NFYC: variants seen among roughly 807,000 people sequenced by gnomAD.
NFYC encodes the protein nuclear transcription factor Y subunit gamma, also known as CAAT box DNA-binding protein subunit C.
NFYC carries 25 observed loss-of-function variants against 53.1 expected under a neutral mutation model. The ratio of observed to expected loss-of-function variants is 0.47; its 90% CI spans 0.34 to 0.66. The LOEUF (loss-of-function observed/expected upper bound fraction) is 0.66. NFYC is among the 30% of genes least tolerant of loss of function. The pLI, the probability that NFYC is intolerant of heterozygous loss-of-function variation, is 0.01. For missense variants in NFYC, 260 were observed against 422.7 expected (o/e 0.62, Z 3.38); for synonymous variants, 145 against 152.6 (o/e 0.95, Z 0.37).
intron 1 of NFYC, among the ~76,000 whole-genome samples, chr1:40,718,375 G>A (rs1557771368): frequency 6.6e-6 from 1 of 152,188 alleles, no homozygotes; most frequent in African/African-American, 2.4e-5. Context: ...ATGAAAAACA[G>A]TCTATAGCTG....
intron 1 of NFYC, among the ~76,000 whole-genome samples, chr1:40,698,893 C>G (rs1206323242): frequency 6.6e-6 from 1 of 151,942 alleles, no homozygotes; most frequent in East Asian, 1.9e-4. Context: ...GGCCGGGCGC[C>G]GTGGCTCACA....
At chr1:40,729,154 A>G (rs551849167) in intron 1 of NFYC, among the ~76,000 whole-genome samples, 2 of 152,300 alleles carry the variant, frequency 1.3e-5, no homozygotes, top group East Asian at 3.9e-4. Flanking sequence ...GGAATGGTAA[A>G]TGAGCATCGG....
At chr1:40,700,071 G>T (rs1643355714) in intron 1 of NFYC, among the ~76,000 whole-genome samples, 1 of 152,132 alleles carries the variant, frequency 6.6e-6, no homozygotes, top group Non-Finnish European at 1.5e-5. Flanking sequence ...TGTAGTCTAT[G>T]AATAAAAAAA....
intron 1 of NFYC, among the ~76,000 whole-genome samples, chr1:40,715,377 C>T (rs1215517321): frequency 2.7e-5 from 4 of 150,874 alleles, no homozygotes; most frequent in African/African-American, 7.3e-5. Context: ...AGTGAGATTC[C>T]GTCTCAAGAA....
chr1:40,768,031 G>C (rs1646907751), intron 8 of NFYC, among the ~76,000 whole-genome samples: 1 of 152,142 alleles, frequency 6.6e-6, no homozygotes, highest in Admixed American at 6.5e-5. Flanking sequence ...GCCAAAAAAT[G>C]GGAGAGGCTG....
chr1:40,694,193 A>G (rs1345470353), intron 1 of NFYC, among the ~76,000 whole-genome samples: 1 of 152,264 alleles, frequency 6.6e-6, no homozygotes, highest in Non-Finnish European at 1.5e-5. Context: ...AAGCATCACC[A>G]GTTCCTTAGG....
At chr1:40,762,353 G>A (rs1287219343) in intron 6 of NFYC, among the ~76,000 whole-genome samples, 1 of 152,192 alleles carries the variant, frequency 6.6e-6, no homozygotes, top group African/African-American at 2.4e-5. Flanking sequence ...AGCTTGAATG[G>A]GGTGAGAGCC....
At chr1:40,753,053 T>G in intron 4 of NFYC, 98 bp from the exon 5 acceptor site, 1 of 787,214 alleles carries the variant, frequency 1.3e-6, no homozygotes, top group South Asian at 1.6e-5. Context: ...GGTGTTTAGT[T>G]TGGCTTAAAA....
intron 1 of NFYC, among the ~76,000 whole-genome samples, chr1:40,705,598 T>C (rs1461745969): frequency 6.6e-6 from 1 of 152,224 alleles, no homozygotes; most frequent in Non-Finnish European, 1.5e-5. Context: ...CATGCTCTTA[T>C]AAATGTGGTT....
At chr1:40,705,401 T>G (rs909972338) in intron 1 of NFYC, among the ~76,000 whole-genome samples, 1 of 150,266 alleles carries the variant, frequency 6.7e-6, no homozygotes, top group Admixed American at 6.6e-5. Flanking sequence ...GCCTTCTGCC[T>G]TCTCTTCCCA....
At chr1:40,706,322 A>T (rs1179669567) in intron 1 of NFYC, among the ~76,000 whole-genome samples, 1 of 151,982 alleles carries the variant, frequency 6.6e-6, no homozygotes, top group Non-Finnish European at 1.5e-5. Flanking sequence ...TCTGTAATAT[A>T]CCTAGCACAG....
intron 1 of NFYC, among the ~76,000 whole-genome samples, chr1:40,716,796 A>G (rs542194102): frequency 6.6e-6 from 1 of 152,294 alleles, no homozygotes; most frequent in Admixed American, 6.5e-5. Flanking sequence ...AGATAGTGGT[A>G]GTATGAAGAA....
chr1:40,701,350 G>A (rs998108683), intron 1 of NFYC, among the ~76,000 whole-genome samples: 2 of 152,144 alleles, frequency 1.3e-5, no homozygotes, highest in Admixed American at 1.3e-4. Flanking sequence ...CCTGACTTCA[G>A]TTGGCCTCCC....
intron 8 of NFYC, among the ~76,000 whole-genome samples, chr1:40,768,040 T>TG (rs1435699292): frequency 6.6e-6 from 1 of 152,144 alleles, no homozygotes; most frequent in South Asian, 2.1e-4. Flanking sequence ...TGGGAGAGGC[T>TG]GGGGAGAAGC....
chr1:40,722,120 A>G (rs932036362), intron 1 of NFYC, among the ~76,000 whole-genome samples: 2 of 152,098 alleles, frequency 1.3e-5, no homozygotes, highest in East Asian at 1.9e-4. Context: ...GCAGTGAGCC[A>G]AGATCATGCT....
At chr1:40,715,677 TCAATAATTGAC>T (rs146001034) in intron 1 of NFYC, among the ~76,000 whole-genome samples, 2,567 of 152,320 alleles carry the variant, frequency 0.017, 83 homozygotes, top group African/African-American at 0.058. Flanking sequence ...ACCCCGCTGT[TCAATAATTGAC>T]CAAAAGTTTT....
At chr1:40,699,442 A>G (rs918127460) in intron 1 of NFYC, among the ~76,000 whole-genome samples, 6 of 152,330 alleles carry the variant, frequency 3.9e-5, no homozygotes, top group African/African-American at 1.4e-4. Context: ...CTAATAAAGT[A>G]CACATTATCT....
intron 1 of NFYC, among the ~76,000 whole-genome samples, chr1:40,700,925 C>T (rs1384307995): frequency 6.6e-6 from 1 of 152,130 alleles, no homozygotes; most frequent in Non-Finnish European, 1.5e-5. Flanking sequence ...AGCTTATTCT[C>T]CACACTGTAC....
At chr1:40,762,662 T>C (rs1321788869) in intron 6 of NFYC, among the ~76,000 whole-genome samples, 1 of 152,218 alleles carries the variant, frequency 6.6e-6, no homozygotes, top group Non-Finnish European at 1.5e-5. Context: ...TGCAAATATT[T>C]GTACTGTGAG....
Sources: gnomAD v4.1 joint callset for allele counts (sites outside exome capture counted in the v4.1 genomes callset) on GRCh38, gnomAD v4.1.1 for gene constraint, MANE v1.5 for transcripts, NCBI Gene and HGNC (gene_info 2026-07-23, HGNC 2026-07-21) for gene names.